The following LINS1 variants were observed in gnomAD, a reference collection of about 807,000 sequenced individuals.
The protein encoded by LINS1 is lines homolog 1.
In LINS1, 27 loss-of-function variants were observed where a neutral mutation model predicts 41.6. The observed-to-expected ratio is 0.65, with a 90% CI of 0.48 to 0.89. LINS1 has a LOEUF of 0.89. Among genes scored for constraint, LINS1 ranks in the 40% least tolerant of loss-of-function variants. The pLI is 0.00. For missense variants in LINS1, 955 were observed against 884.1 expected (o/e 1.08, Z -1.02); for synonymous variants, 336 against 312.9 (o/e 1.07, Z -0.78).
In LINS1 at chr15:100,580,541, G is replaced by T; in HGVS notation, c.302C>A (p.Thr101Asn). 6.2e-7 allele frequency: 1 copy of T among 1,613,938 alleles called. No individual in the cohort carries two copies. Among genetic ancestry groups the T allele is most frequent in the Admixed American group, 1.7e-5 (1 of 59,970 alleles). Reference sequence around the variant, plus strand: ...CTCGGTTTTGACAGACAATATCCGGGTTGTCATCACTTTGATCACTGTTAA... The same window carrying T: ...CTCGGTTTTGACAGACAATATCCGGTTTGTCATCACTTTGATCACTGTTAA... Reference protein sequence around the residue: ...LQLTVIKVMTTRILSVKTEFH... With the variant: ...LQLTVIKVMTNRILSVKTEFH... The change falls in exon 2 of 7, where the codon ACC becomes AAC. Residue 101 changes from threonine to asparagine, a missense_variant. Transcript: ENST00000314742.
In LINS1 at chr15:100,573,296, C is replaced by T. The variant is rs192281602; in HGVS notation, c.1222+355G>A. Reference sequence around the variant, plus strand: ...TCAGGGCTGCAGTGGGCCATGGTCACGCACCTGCAGTTTAGATTAAAAAAA... The same window carrying T: ...TCAGGGCTGCAGTGGGCCATGGTCATGCACCTGCAGTTTAGATTAAAAAAA... On this transcript the variant is annotated intron_variant, in intron 5 of 6. Coordinates refer to ENST00000314742, the MANE Select transcript of LINS1 (RefSeq NM_001040616.3). 1.2e-3 allele frequency: 1,073 copies of T among 876,982 alleles called. 1 individual carries two copies. The highest frequency in any genetic ancestry group is 5.0e-3 in the East Asian group (69 of 13,750). The allele number at this position is 876,982 out of a possible 1,614,324, so 54.3% of individuals were successfully genotyped here.
chr15:100,578,129 C>T (rs949397743), intron 3 of LINS1, among the ~76,000 whole-genome samples: 1 of 152,094 alleles, frequency 6.6e-6, no homozygotes. Flanking sequence ...GACTTCATGT[C>T]TAAAACACCA....
chr15:100,591,124 C>T (rs929410222), intron 1 of LINS1, among the ~76,000 whole-genome samples: 3 of 152,032 alleles, frequency 2.0e-5, no homozygotes, highest in African/African-American at 7.3e-5. Flanking sequence ...TTGCAGTGAG[C>T]CAAGATCATG....
At chr15:100,590,207 AT>A (rs1190150518) in intron 1 of LINS1, among the ~76,000 whole-genome samples, 1 of 152,126 alleles carries the variant, frequency 6.6e-6, no homozygotes, top group Non-Finnish European at 1.5e-5. Flanking sequence ...ATCTTTGAAT[AT>A]TTTTTGTTTA....
Position 100,599,326 on chromosome 15 carries a change from C to T in LINS1, c.-104+2795G>A, listed in dbSNP as rs141540129. On this transcript the variant is annotated intron_variant, in intron 1 of 6. Transcript: ENST00000314742. ...TTATAAAAATTAGCAAATCTGATAG[C>T]ACCAATTCAATAAAGCAATTTAAAA... Among the ~76,000 whole-genome samples the T allele has an allele frequency of 5.1e-4, 78 of 152,260 alleles. 1 individual carries two copies. Among genetic ancestry groups the T allele is most frequent in the Non-Finnish European group, 6.8e-4 (46 of 68,012 alleles).
chr15:100,570,031 A>T lies in LINS1; in HGVS notation c.1481T>A (p.Ile494Asn). Residue 494 changes from isoleucine (I) to asparagine (N), a missense_variant, in exon 7 of 7, where the codon ATT becomes AAT. Physicochemically the swap from Ile to Asn is moderately radical, Grantham distance 149. Coordinates refer to ENST00000314742, the MANE Select transcript of LINS1 (RefSeq NM_001040616.3). The part of the protein sequence containing the change: ...THENGYNPHC[I>N]FLFFLKNIGF... ...TATATTTTTCAAGAAGAACAAGAAA[A>T]TACAGTGAGGATTATAGCCATTTTC... is the stretch of plus-strand genomic sequence containing the variant. The T allele has an allele frequency of 6.4e-7, 1 of 1,556,874 alleles. No homozygotes were observed. Among genetic ancestry groups the T allele is most frequent in the East Asian group, 2.2e-5 (1 of 44,526 alleles).
intron 1 of LINS1, among the ~76,000 whole-genome samples, chr15:100,588,273 C>T (rs2038896380): frequency 6.6e-6 from 1 of 152,210 alleles, no homozygotes; most frequent in Non-Finnish European, 1.5e-5. Flanking sequence ...GACCTTGTAA[C>T]TATGTGGCTG....
At chr15:100,580,170 G>A in intron 3 of LINS1, 93 bp downstream of exon 3, 2 of 965,870 alleles carry the variant, frequency 2.1e-6, no homozygotes, top group South Asian at 1.4e-5. Flanking sequence ...GATCAGATTG[G>A]GCAACACAGT....
At chr15:100,571,125 C>T (rs1394209759) in intron 6 of LINS1, among the ~76,000 whole-genome samples, 1 of 152,188 alleles carries the variant, frequency 6.6e-6, no homozygotes, top group African/African-American at 2.4e-5. Context: ...TGGCCCCAAA[C>T]ACTCAAGAGT....
At position 100,572,550 on chromosome 15, in the gene LINS1, T is replaced by A. The variant is rs2037889478; in HGVS notation, c.1223-485A>T. On this transcript the variant is annotated intron_variant, in intron 5 of 6. Coordinates refer to ENST00000314742, the MANE Select transcript of LINS1 (RefSeq NM_001040616.3). ...AAAAATAAAAAACGTTTTAGGTAGTTTGAACTACAATTTAAAACTGAATTA... is the reference window on the plus strand; with the variant it reads ...AAAAATAAAAAACGTTTTAGGTAGTATGAACTACAATTTAAAACTGAATTA... 3.1e-6 allele frequency: 3 copies of A among 982,226 alleles called. No individual in the cohort carries two copies. In the South Asian group the frequency reaches 1.2e-4, roughly 40 times the overall value. 60.8% of individuals were successfully genotyped at this position (982,226 alleles called of 1,614,324 possible).
chr15:100,569,159 A>G lies in LINS1; in HGVS notation c.*79T>C. 1.2e-6 allele frequency: 1 copy of G among 802,912 alleles called. No homozygotes were observed. The highest frequency in any genetic ancestry group is 2.0e-6 in the Non-Finnish European group (1 of 494,588). The allele number at this position is 802,912 out of a possible 1,614,324, so 49.7% of individuals were successfully genotyped here. Reference sequence around the variant, plus strand: ...AAAAAAAGAAAACCCTTTTATGGTGATGATTTTATACTATTACCTCATTGA... The same window carrying G: ...AAAAAAAGAAAACCCTTTTATGGTGGTGATTTTATACTATTACCTCATTGA... On this transcript the variant is annotated 3_prime_UTR_variant, in exon 7 of 7. Transcript: ENST00000314742.
In LINS1 at chr15:100,567,345, T is replaced by C. The variant is rs756756375; in HGVS notation, c.*1893A>G. The C allele has an allele frequency of 2.6e-5, 4 of 152,210 alleles. No individual in the cohort carries two copies. Among genetic ancestry groups the C allele is most frequent in the Non-Finnish European group, 4.4e-5 (3 of 68,036 alleles). The allele number at this position is 152,210 out of a possible 1,614,324, so 9.4% of individuals were successfully genotyped here. The stretch of plus-strand genomic sequence containing the variant: ...TGAAACATCCTAATGCAGTGCTGCA[T>C]GTATCCCACTAAAAATAGTACAAAA... On this transcript the variant is annotated 3_prime_UTR_variant, in exon 7 of 7. Coordinates refer to ENST00000314742, the MANE Select transcript of LINS1 (RefSeq NM_001040616.3).
In LINS1 at chr15:100,570,116, C is replaced by T. The variant is rs1315179207; in HGVS notation, c.1396G>A (p.Gly466Arg). The T allele has an allele frequency of 8.8e-6, 14 of 1,585,562 alleles. No individual in the cohort carries two copies. Among genetic ancestry groups the T allele is most frequent in the Middle Eastern group, 3.4e-4 (2 of 5,858 alleles). ...SLGIYLTLTR[G>R]CEATESLTQG... The stretch of plus-strand genomic sequence containing the variant: ...GTCAAGCTTTCAGTGGCTTCACATC[C>T]TCTGAAAATGAAGATAATGGAGAAT... Residue 466 changes from glycine to arginine, a missense_variant and splice_region_variant, in exon 7 of 7, where the codon GGA becomes AGA. Coordinates refer to ENST00000314742, the MANE Select transcript of LINS1 (RefSeq NM_001040616.3).
intron 5 of LINS1, chr15:100,572,487 T>G: frequency 1.9e-6 from 2 of 1,066,916 alleles, no homozygotes; most frequent in Non-Finnish European, 2.3e-6. Flanking sequence ...AACATATTTT[T>G]TGTTTGTTTA....
intron 3 of LINS1, among the ~76,000 whole-genome samples, 173 bp downstream of exon 3, chr15:100,580,090 C>T (rs113669915): frequency 3.9e-5 from 6 of 152,202 alleles, no homozygotes; most frequent in African/African-American, 7.2e-5. Context: ...TTAGGTGCCA[C>T]GGCTCTCGTC....
intron 3 of LINS1, among the ~76,000 whole-genome samples, chr15:100,578,482 C>G (rs949535028): frequency 7.9e-5 from 12 of 151,600 alleles, no homozygotes; most frequent in African/African-American, 2.9e-4. Context: ...GAGATACCAT[C>G]TCACACCAGT....
At chr15:100,596,557 G>C (rs1412739809) in intron 1 of LINS1, among the ~76,000 whole-genome samples, 1 of 152,202 alleles carries the variant, frequency 6.6e-6, no homozygotes, top group Non-Finnish European at 1.5e-5. Context: ...GATGATACAG[G>C]AGCTAGAAAT....
At chr15:100,578,832 A>G (rs1405994125) in intron 3 of LINS1, among the ~76,000 whole-genome samples, 1 of 152,178 alleles carries the variant, frequency 6.6e-6, no homozygotes, top group African/African-American at 2.4e-5. Context: ...ACACCATGGA[A>G]TACTATGCAG....
chr15:100,571,160 G>C (rs1297350966), intron 6 of LINS1, among the ~76,000 whole-genome samples: 1 of 152,172 alleles, frequency 6.6e-6, no homozygotes, highest in African/African-American at 2.4e-5. Context: ...TGCCAGCAGT[G>C]TCATAATACA....
Sources: allele counts gnomAD v4.1 joint callset (sites outside exome capture counted in the v4.1 genomes callset), GRCh38; gene constraint gnomAD v4.1.1; transcripts MANE v1.5; gene names NCBI Gene and HGNC (gene_info 2026-07-23, HGNC 2026-07-21).